SPHKAP: variants seen among roughly 807,000 people sequenced by gnomAD.
The protein encoded by SPHKAP is SPHK1 interactor, AKAP domain containing.
SPHKAP carries 67 observed loss-of-function variants against 137.5 expected under a neutral mutation model. The ratio of observed to expected loss-of-function variants is 0.49; its 90% confidence interval spans 0.40 to 0.60. The LOEUF is 0.60. SPHKAP is among the 20% of genes least tolerant of loss of function. SPHKAP has a pLI of 0.00. For missense variants in SPHKAP, 2,097 were observed against 2,069.3 expected (o/e 1.01, Z -0.26); for synonymous variants, 813 against 785.3 (o/e 1.04, Z -0.59).
chr2:228,115,455 G>A (rs1343277882), intron 2 of SPHKAP, among the ~76,000 whole-genome samples: 3 of 152,158 alleles, frequency 2.0e-5, no homozygotes, highest in East Asian at 1.9e-4. Context: ...TGAAAATTTG[G>A]TGCTATCTGG....
chr2:227,990,296 G>A (rs1388765386), intron 11 of SPHKAP, among the ~76,000 whole-genome samples: 1 of 152,182 alleles, frequency 6.6e-6, no homozygotes, highest in African/African-American at 2.4e-5. Context: ...GTGACAGTTT[G>A]TTACACAGCA....
Position 227,993,973 on chromosome 2 carries a change from G to A in SPHKAP, c.4635-353C>T, listed in dbSNP as rs370647562. On this transcript the variant is annotated intron_variant, in intron 8 of 11. Coordinates refer to ENST00000392056, the MANE Select transcript of SPHKAP (RefSeq NM_001142644.2). ...GTTACGGTGAAGGTATTTATCTATC[G>A]GCAAGAGATTTCTTGCTGCTGGGGA... 185 of 835,970 alleles carry A rather than the reference G, an allele frequency of 2.2e-4. 2 individuals carry two copies. The African/African-American group carries it at 2.3e-3, about 10-fold the overall frequency. The allele number at this position is 835,970 out of a possible 1,614,324, so 51.8% of individuals were successfully genotyped here.
intron 4 of SPHKAP, among the ~76,000 whole-genome samples, chr2:228,026,985 T>C (rs1695065413): frequency 6.6e-6 from 1 of 152,244 alleles, no homozygotes; most frequent in African/African-American, 2.4e-5. Context: ...CAGCAGGCTC[T>C]TGTTCCAGAG....
intron 7 of SPHKAP, among the ~76,000 whole-genome samples, chr2:228,009,364 T>C (rs1241054509): frequency 6.6e-6 from 1 of 152,232 alleles, no homozygotes; most frequent in East Asian, 1.9e-4. Context: ...CTGTTGATCC[T>C]GCTTAGAGTT....
Position 228,015,719 on chromosome 2 carries a change from T to C in SPHKAP, c.4448+687A>G, listed in dbSNP as rs115307419. ...CAGTGTTGCTTTGCATTTACACTGC[T>C]AGAATTATACCAGGCATCTAAAGGG... On this transcript the variant is annotated intron_variant, in intron 7 of 11. Coordinates refer to ENST00000392056, the MANE Select transcript of SPHKAP (RefSeq NM_001142644.2). Among the ~76,000 whole-genome samples, 601 of 152,324 alleles carry C rather than the reference T, an allele frequency of 3.9e-3. 4 individuals are homozygous for C. The highest frequency in any genetic ancestry group is 0.014 in the African/African-American group (562 of 41,568).
At chr2:228,041,659 A>G (rs893324391) in intron 3 of SPHKAP, among the ~76,000 whole-genome samples, 1 of 150,440 alleles carries the variant, frequency 6.6e-6, no homozygotes, top group Non-Finnish European at 1.5e-5. Context: ...AAAAAAAAAA[A>G]AAAAAAGAAA....
intron 3 of SPHKAP, among the ~76,000 whole-genome samples, chr2:228,070,311 G>A (rs1244033237): frequency 1.3e-5 from 2 of 152,174 alleles, no homozygotes; most frequent in Non-Finnish European, 2.9e-5. Context: ...GGAAGAGGAA[G>A]TGTTGGTCCT....
intron 3 of SPHKAP, among the ~76,000 whole-genome samples, chr2:228,090,439 G>T (rs1697688725): frequency 6.6e-6 from 1 of 152,192 alleles, no homozygotes; most frequent in Admixed American, 6.5e-5. Context: ...TCTCAGAAGA[G>T]ACTTTGGACA....
At chr2:228,007,316 G>T (rs1694179985) in intron 7 of SPHKAP, among the ~76,000 whole-genome samples, 3 of 152,040 alleles carry the variant, frequency 2.0e-5, no homozygotes, top group Non-Finnish European at 4.4e-5. Context: ...TTATATTTTT[G>T]ATGAGAACAT....
intron 3 of SPHKAP, among the ~76,000 whole-genome samples, chr2:228,058,453 C>G (rs1179814635): frequency 1.3e-5 from 2 of 152,166 alleles, no homozygotes; most frequent in Non-Finnish European, 2.9e-5. Context: ...CTCTGCTTGT[C>G]AACCCTGCAC....
At chr2:228,121,873 C>T (rs993198080) in intron 2 of SPHKAP, among the ~76,000 whole-genome samples, 1 of 152,070 alleles carries the variant, frequency 6.6e-6, no homozygotes, top group African/African-American at 2.4e-5. Flanking sequence ...TGAAAACTGG[C>T]ACTTTAATCA....
In SPHKAP at chr2:228,175,819, AAGAT is replaced by A. The variant is rs1283992025; in HGVS notation, c.32+5744_32+5747del. 3.9e-5 allele frequency among the ~76,000 whole-genome samples: 6 copies of A among 152,300 alleles called. No individual in the cohort carries two copies. In the South Asian group the frequency reaches 1.2e-3, roughly 32 times the overall value. On this transcript the variant is annotated intron_variant, in intron 1 of 11. Transcript: ENST00000392056. ...GAAGAGATAGATAGATTTTTTTAAA[AAGAT>A]AGAAAAAAAATAAGCCAAAAGGAAG...
At chr2:227,983,459 T>C (rs1397953012) in intron 11 of SPHKAP, among the ~76,000 whole-genome samples, 3 of 152,186 alleles carry the variant, frequency 2.0e-5, no homozygotes, top group African/African-American at 7.2e-5. Flanking sequence ...GGGAGACAGA[T>C]GGGAGGCAGA....
At chr2:228,117,830 C>T (rs1574864815) in intron 2 of SPHKAP, among the ~76,000 whole-genome samples, 6 of 138,278 alleles carry the variant, frequency 4.3e-5, no homozygotes, top group Admixed American at 7.3e-5. Flanking sequence ...CTTTCCTTTC[C>T]TTTTTTTTTT....
chr2:228,119,472 C>CACACACACA (rs1698839436), intron 2 of SPHKAP, among the ~76,000 whole-genome samples: 1 of 137,194 alleles, frequency 7.3e-6, no homozygotes, highest in Non-Finnish European at 1.5e-5. Flanking sequence ...CACACACACA[C>CACACACACA]TCTCTCTCTC....
chr2:228,095,539 T>C (rs1424758082), intron 3 of SPHKAP, among the ~76,000 whole-genome samples: 1 of 152,096 alleles, frequency 6.6e-6, no homozygotes, highest in Non-Finnish European at 1.5e-5. Flanking sequence ...AGCTAAGTAA[T>C]ATAAGCAGTG....
At chr2:228,034,827 A>G (rs1695518642) in intron 3 of SPHKAP, among the ~76,000 whole-genome samples, 1 of 152,232 alleles carries the variant, frequency 6.6e-6, no homozygotes, top group Non-Finnish European at 1.5e-5. Flanking sequence ...ACAAAATTCA[A>G]CAACGCTTCA....
intron 1 of SPHKAP, among the ~76,000 whole-genome samples, chr2:228,139,621 G>A (rs893085691): frequency 1.3e-5 from 2 of 152,070 alleles, no homozygotes; most frequent in African/African-American, 4.8e-5. Context: ...GCTTTCCCAA[G>A]ACCCCAACTA....
chr2:228,178,701 A>C (rs1318727443), intron 1 of SPHKAP, among the ~76,000 whole-genome samples: 1 of 152,064 alleles, frequency 6.6e-6, no homozygotes, highest in Non-Finnish European at 1.5e-5. Flanking sequence ...AAACACTTGG[A>C]TTCCAGGTCT....
Sources: gnomAD v4.1 joint callset for allele counts (sites outside exome capture counted in the v4.1 genomes callset) on GRCh38, gnomAD v4.1.1 for gene constraint, MANE v1.5 for transcripts, NCBI Gene and HGNC (gene_info 2026-07-23, HGNC 2026-07-21) for gene names.